The following ANK3 variants were observed in gnomAD, a reference collection of about 807,000 sequenced individuals.
ANK3 encodes the protein ankyrin-3.
A neutral mutation model predicts 370.9 loss-of-function variants in ANK3; 57 were observed. The observed-to-expected ratio is 0.15, with a 90% confidence interval of 0.12 to 0.19. The LOEUF is 0.19. ANK3 is among the 10% of genes least tolerant of loss of function. ANK3 has a pLI of 1.00. For missense variants in ANK3, 4,439 were observed against 5,302.1 expected (o/e 0.84, Z 5.06); for synonymous variants, 1,929 against 1,946.3 (o/e 0.99, Z 0.23).
chr10:60,389,436 G>T lies in ANK3; in HGVS notation c.103C>A (p.Arg35=), dbSNP rs139879505. ...GCATACATAGATACCTTTTTCTTCCGATCCCGGGACCGTTTGCGGTGTTTC... is the reference window on the plus strand; with the variant it reads ...GCATACATAGATACCTTTTTCTTCCTATCCCGGGACCGTTTGCGGTGTTTC... ...KRKHRKRSRD[R]KKKSDANASY... The change falls in exon 1 of 44, where the codon CGG becomes AGG. Residue 35 remains arginine (R), a synonymous_variant. Coordinates refer to ENST00000280772, the MANE Select transcript of ANK3 (RefSeq NM_020987.5). The T allele has an allele frequency of 1.9e-6, 3 of 1,613,176 alleles. No homozygotes were observed. The highest frequency in any genetic ancestry group is 2.2e-5 in the South Asian group (2 of 91,004).
At chr10:60,619,833 T>C (rs952499904) in intron 1 of ANK3, among the ~76,000 whole-genome samples, 4 of 152,174 alleles carry the variant, frequency 2.6e-5, no homozygotes, top group African/African-American at 9.7e-5. Flanking sequence ...CCAGAACCAT[T>C]AGTTACCAAA....
At chr10:60,224,324 G>A (rs1253124275) in intron 8 of ANK3, among the ~76,000 whole-genome samples, 1 of 152,120 alleles carries the variant, frequency 6.6e-6, no homozygotes, top group Non-Finnish European at 1.5e-5. Flanking sequence ...AAACTGGCTA[G>A]TCCAGATCTC....
At chr10:60,641,811 C>T (rs1353867767) in intron 1 of ANK3, among the ~76,000 whole-genome samples, 1 of 152,024 alleles carries the variant, frequency 6.6e-6, no homozygotes, top group East Asian at 1.9e-4. Flanking sequence ...AGCTTCTGCC[C>T]AGCAAGAGAA....
At chr10:60,310,126 T>C (rs1480135151) in intron 1 of ANK3, among the ~76,000 whole-genome samples, 1 of 152,038 alleles carries the variant, frequency 6.6e-6, no homozygotes, top group East Asian at 1.9e-4. Context: ...GGTCTAGCTA[T>C]GTTGCCCAGG....
intron 2 of ANK3, among the ~76,000 whole-genome samples, chr10:60,405,631 T>C (rs111864017): frequency 0.013 from 2,035 of 152,266 alleles, 36 homozygotes; most frequent in African/African-American, 0.047. Flanking sequence ...GTGCATTCCA[T>C]TGTATGTAAA....
At chr10:60,575,245 C>T (rs1408282733) in intron 2 of ANK3, among the ~76,000 whole-genome samples, 5 of 151,838 alleles carry the variant, frequency 3.3e-5, no homozygotes, top group Admixed American at 6.6e-5. Context: ...GGTAGTTGTT[C>T]GCCCATTTCT....
At chr10:60,082,913 A>G (rs1414573049) in intron 33 of ANK3, among the ~76,000 whole-genome samples, 176 bp from the exon 34 acceptor site, 1 of 152,240 alleles carries the variant, frequency 6.6e-6, no homozygotes. Context: ...GAACTCAGCA[A>G]GAGTTAGATG....
intron 1 of ANK3, among the ~76,000 whole-genome samples, chr10:60,347,270 G>T (rs2132680984): frequency 6.6e-6 from 1 of 151,956 alleles, no homozygotes; most frequent in East Asian, 1.9e-4. Flanking sequence ...GTCTAGAAGA[G>T]TTTATGTAGA....
intron 24 of ANK3, among the ~76,000 whole-genome samples, chr10:60,136,488 T>C (rs2094350306): frequency 1.4e-4 from 1 of 7,046 alleles, no homozygotes; most frequent in Non-Finnish European, 3.6e-3. Flanking sequence ...TGGCATGATA[T>C]GTTAACATTG....
chr10:60,481,925 C>T (rs558289960), intron 2 of ANK3, among the ~76,000 whole-genome samples: 55 of 152,308 alleles, frequency 3.6e-4, no homozygotes, highest in Admixed American at 1.2e-3. Flanking sequence ...TTACAGTACA[C>T]ACTCCCTGAG....
chr10:60,294,162 T>C lies in ANK3; in HGVS notation c.115-14523A>G, dbSNP rs527927379. ...ATAGATGAACATTTTCCCAACAGTT[T>C]TTTTTTTAGACCAGGAAATAAACAG... On this transcript the variant is annotated intron_variant, in intron 1 of 43. Coordinates refer to ENST00000280772, the MANE Select transcript of ANK3 (RefSeq NM_020987.5). Among the ~76,000 whole-genome samples, 5 of 152,306 alleles carry C rather than the reference T, an allele frequency of 3.3e-5. No individual in the cohort carries two copies. In the East Asian group the frequency reaches 5.8e-4, roughly 18 times the overall value.
chr10:60,105,887 A>C lies in ANK3; in HGVS notation c.3328+18T>G, dbSNP rs1242063714. 1 of 1,596,074 alleles carries C rather than the reference A, an allele frequency of 6.3e-7. No homozygotes were observed. Among genetic ancestry groups the C allele is most frequent in the Non-Finnish European group, 8.5e-7 (1 of 1,172,860 alleles). ...CTGCCTGCAGACATTTACAGAACCA[A>C]GGAGCCATCATTATTACCTTCATCC... is the stretch of plus-strand genomic sequence containing the variant. On this transcript the variant is annotated intron_variant, in intron 28 of 43. Transcript: ENST00000280772.
intron 1 of ANK3, among the ~76,000 whole-genome samples, chr10:60,369,153 T>G (rs951689183): frequency 2.6e-5 from 4 of 152,180 alleles, no homozygotes; most frequent in African/African-American, 9.7e-5. Context: ...ACAGAGTTCC[T>G]TTCAGAATTT....
At chr10:60,645,769 A>G (rs1038410938) in intron 1 of ANK3, among the ~76,000 whole-genome samples, 1 of 152,126 alleles carries the variant, frequency 6.6e-6, no homozygotes, top group African/African-American at 2.4e-5. Flanking sequence ...AATGTTTCTG[A>G]AGTTCCTGAG....
intron 2 of ANK3, among the ~76,000 whole-genome samples, chr10:60,496,410 C>A (rs960216140): frequency 5.9e-5 from 9 of 152,140 alleles, no homozygotes; most frequent in Non-Finnish European, 1.0e-4. Context: ...TGCTTCCAAA[C>A]AACTGAAGAT....
chr10:60,722,572 T>C (rs1246565443), intron 1 of ANK3, among the ~76,000 whole-genome samples: 1 of 152,240 alleles, frequency 6.6e-6, no homozygotes, highest in African/African-American at 2.4e-5. Flanking sequence ...TATTTGCTAT[T>C]ATTTATCATG....
chr10:60,373,108 T>C (rs959865357), intron 1 of ANK3, among the ~76,000 whole-genome samples: 4 of 152,244 alleles, frequency 2.6e-5, no homozygotes, highest in Non-Finnish European at 4.4e-5. Flanking sequence ...CATAACTTTG[T>C]AGCATCCCCC....
At chr10:60,624,480 C>T (rs2078381137) in intron 1 of ANK3, among the ~76,000 whole-genome samples, 1 of 152,004 alleles carries the variant, frequency 6.6e-6, no homozygotes, top group Admixed American at 6.6e-5. Context: ...ATCTGTGTTC[C>T]CCAGTCTTCC....
chr10:60,212,964 A>G (rs1457450778), intron 9 of ANK3, among the ~76,000 whole-genome samples: 1 of 152,118 alleles, frequency 6.6e-6, no homozygotes, highest in East Asian at 1.9e-4. Flanking sequence ...CAAAAGCCCA[A>G]TCAAGGTGCA....
Sources: gnomAD v4.1 joint callset for allele counts (sites outside exome capture counted in the v4.1 genomes callset) on GRCh38, gnomAD v4.1.1 for gene constraint, MANE v1.5 for transcripts, NCBI Gene and HGNC (gene_info 2026-07-23, HGNC 2026-07-21) for gene names.